The following RORA variants were observed in gnomAD, a reference collection of about 807,000 sequenced individuals.
The protein encoded by RORA is nuclear receptor ROR-alpha.
A neutral mutation model predicts 69.5 loss-of-function variants in RORA; 7 were observed. The observed-to-expected ratio is 0.10, with a 90% confidence interval of 0.06 to 0.19. RORA has a LOEUF of 0.19. RORA is among the 10% of genes least tolerant of loss of function. RORA has a pLI of 1.00. For synonymous variants in RORA, 261 were observed against 240.8 expected (o/e 1.08, Z -0.78); for missense variants, 457 against 663.0 (o/e 0.69, Z 3.41).
At chr15:60,707,106 G>A (rs558064527) in intron 1 of RORA, among the ~76,000 whole-genome samples, 1 of 152,168 alleles carries the variant, frequency 6.6e-6, no homozygotes, top group African/African-American at 2.4e-5. Context: ...AAGTCCATCC[G>A]ATGGCCCTCA....
At chr15:61,151,211 G>A (rs575689629) in intron 1 of RORA, among the ~76,000 whole-genome samples, 39 of 152,284 alleles carry the variant, frequency 2.6e-4, no homozygotes, top group African/African-American at 9.1e-4. Context: ...CAAGCCTGAT[G>A]TTATGAGAAA....
At chr15:61,104,604 C>T (rs1301152072) in intron 1 of RORA, among the ~76,000 whole-genome samples, 1 of 152,162 alleles carries the variant, frequency 6.6e-6, no homozygotes, top group South Asian at 2.1e-4. Flanking sequence ...TAGCTTTTGC[C>T]TACTTCTCCC....
intron 5 of RORA, among the ~76,000 whole-genome samples, chr15:60,510,923 A>C (rs2065675664): frequency 6.6e-6 from 1 of 152,196 alleles, no homozygotes; most frequent in South Asian, 2.1e-4. Context: ...AATATAACTA[A>C]AGTAAACCAC....
At position 61,226,913 on chromosome 15, in the gene RORA, G is replaced by A. The variant is rs1298046782; in HGVS notation, c.166+2140C>T. On this transcript the variant is annotated intron_variant, in intron 1 of 10. Transcript: ENST00000335670. This position sits in a 1 kb window ranked among gnomAD's most constrained non-coding sequence, Gnocchi z 4.2. ...GGGGGGAAGGGGATATGGGTCAGCA[G>A]GTCAGCTGTGCAAGATGTATCCCAC... Among the ~76,000 whole-genome samples the A allele has an allele frequency of 1.3e-5, 2 of 152,128 alleles. No homozygotes were observed. Among genetic ancestry groups the A allele is most frequent in the African/African-American group, 4.8e-5 (2 of 41,430 alleles).
chr15:60,854,740 T>C (rs547028883), intron 1 of RORA, among the ~76,000 whole-genome samples: 1 of 152,338 alleles, frequency 6.6e-6, no homozygotes, highest in East Asian at 1.9e-4. Flanking sequence ...CCTCCAAGTG[T>C]TCTCTAGCTC....
intron 2 of RORA, among the ~76,000 whole-genome samples, chr15:60,624,471 C>CATATATATAT (rs3053858): frequency 0.012 from 884 of 73,478 alleles, 23 homozygotes; most frequent in African/African-American, 0.025. Flanking sequence ...CCATTTGCTG[C>CATATATATAT]ATATATATAT....
Position 60,813,484 on chromosome 15 carries a change from G to A in RORA, c.167-134798C>T, listed in dbSNP as rs112548660. 6.5e-4 allele frequency among the ~76,000 whole-genome samples: 99 copies of A among 152,296 alleles called. 1 individual carries two copies. The highest frequency in any genetic ancestry group is 2.2e-3 in the African/African-American group (92 of 41,564). On this transcript the variant is annotated intron_variant, in intron 1 of 10. Transcript: ENST00000335670. ...TTCAAAATAGTGAGAATCTAGGCAG[G>A]TAATGTGTTAGGAGCTCCACCCCAG...
At chr15:60,597,589 T>TAC (rs1555435997) in intron 2 of RORA, among the ~76,000 whole-genome samples, 6 of 22,892 alleles carry the variant, frequency 2.6e-4, no homozygotes, top group Non-Finnish European at 3.2e-4. Context: ...TATATATATA[T>TAC]ATATACACAT....
At chr15:60,815,853 T>A (rs2072802795) in intron 1 of RORA, among the ~76,000 whole-genome samples, 1 of 145,738 alleles carries the variant, frequency 6.9e-6, no homozygotes, top group South Asian at 2.1e-4. Flanking sequence ...ACTATTTATA[T>A]ACTATAAACT....
intron 2 of RORA, chr15:60,627,474 TG>T: frequency 6.4e-7 from 1 of 1,564,656 alleles, no homozygotes. Context: ...CTCCAACAGC[TG>T]GGTGGAGAAT....
chr15:61,174,276 A>G (rs7170048), intron 1 of RORA, among the ~76,000 whole-genome samples: 80,316 of 152,032 alleles, frequency 0.53, 21,865 homozygotes, highest in Non-Finnish European at 0.61. Context: ...CACCCAGCTT[A>G]CATTCTGCCT....
intron 2 of RORA, among the ~76,000 whole-genome samples, chr15:60,569,397 C>T (rs1252921936): frequency 6.6e-6 from 1 of 151,988 alleles, no homozygotes; most frequent in Non-Finnish European, 1.5e-5. Flanking sequence ...ACACTGCACT[C>T]CAGCCTGTGA....
chr15:60,621,361 T>C (rs933908806), intron 2 of RORA, among the ~76,000 whole-genome samples: 3 of 152,148 alleles, frequency 2.0e-5, no homozygotes, highest in African/African-American at 4.8e-5. Flanking sequence ...GAGAAGCTCA[T>C]AGTCCACTGC....
rs564602124 is a variant in RORA, at chr15:60,856,735, T to G, written c.167-178049A>C. 2.0e-5 allele frequency among the ~76,000 whole-genome samples: 3 copies of G among 152,352 alleles called. No individual in the cohort carries two copies. In the East Asian group the frequency reaches 5.8e-4, roughly 29 times the overall value. ...AAGAGAGAAAGTGCTGCCTCTTTTC[T>G]GGACAGGGAACGCTGCCTGAATGAG... On this transcript the variant is annotated intron_variant, in intron 1 of 10. Transcript: ENST00000335670.
intron 2 of RORA, among the ~76,000 whole-genome samples, chr15:60,572,968 C>A (rs138998688): frequency 6.6e-6 from 1 of 152,288 alleles, no homozygotes; most frequent in East Asian, 1.9e-4. Context: ...GGCTGTGACA[C>A]GAGCTCAGCC....
chr15:60,509,475 G>A (rs1025267227), intron 5 of RORA, among the ~76,000 whole-genome samples: 1 of 152,170 alleles, frequency 6.6e-6, no homozygotes, highest in Non-Finnish European at 1.5e-5. Flanking sequence ...TCAGGGAATC[G>A]GCTCAGCCAT....
At chr15:60,592,651 G>A in intron 2 of RORA, 4 of 1,128,100 alleles carry the variant, frequency 3.5e-6, no homozygotes, top group Non-Finnish European at 3.3e-6. Context: ...GGAGGCGGGA[G>A]GCGGGAGGCA....
intron 1 of RORA, among the ~76,000 whole-genome samples, chr15:61,036,815 C>T (rs1896482524): frequency 7.0e-6 from 1 of 142,698 alleles, no homozygotes; most frequent in Non-Finnish European, 1.5e-5. Flanking sequence ...CACCCCCACC[C>T]CTGCCCTTCT....
chr15:60,762,667 T>A (rs542841249), intron 1 of RORA, among the ~76,000 whole-genome samples: 1 of 152,186 alleles, frequency 6.6e-6, no homozygotes, highest in African/African-American at 2.4e-5. Flanking sequence ...TCTAAAGAAA[T>A]GTCATTTTAC....
Sources: gnomAD v4.1 joint callset for allele counts (sites outside exome capture counted in the v4.1 genomes callset) on GRCh38, gnomAD v4.1.1 for gene constraint, Gnocchi (gnomAD v3.1) non-coding constraint, MANE v1.5 for transcripts, NCBI Gene and HGNC (gene_info 2026-07-23, HGNC 2026-07-21) for gene names.